Variants in TDRD5 observed in about 807,000 individuals in gnomAD.
TDRD5 encodes the protein tudor domain containing 5.
TDRD5 carries 41 observed loss-of-function variants against 120.6 expected under a neutral mutation model. The observed-to-expected ratio is 0.34, with a 90% CI of 0.26 to 0.44. The LOEUF (loss-of-function observed/expected upper bound fraction) is 0.44. TDRD5 is among the 20% of genes least tolerant of loss of function. The pLI is 1.00. For synonymous variants in TDRD5, 430 were observed against 433.7 expected, an observed-to-expected ratio of 0.99 and a Z score of 0.11; for missense variants, 1,006 against 1,221.2, an observed-to-expected ratio of 0.82 and a Z score of 2.63.
In TDRD5 at chr1:179,650,903, A is replaced by G. The variant is rs1678674989; in HGVS notation, c.1837A>G (p.Lys613Glu). The change falls in exon 12 of 18, where the codon AAG becomes GAG. Residue 613 changes from lysine (K) to glutamate (E), a missense_variant. Transcript: ENST00000444136. ...WTSKAILQFQ[K>E]LCGLKPLVGV... The stretch of plus-strand genomic sequence containing the variant: ...ATCGAAAGCTATTTTGCAGTTCCAG[A>G]AGTTGTGCGGTTTGAAGCCATTAGT... 6.2e-7 allele frequency: 1 copy of G among 1,614,108 alleles called. No individual in the cohort carries two copies. Among genetic ancestry groups the G allele is most frequent in the Admixed American group, 1.7e-5 (1 of 60,022 alleles).
At chr1:179,672,617 A>G (rs1387788703) in intron 17 of TDRD5, among the ~76,000 whole-genome samples, 1 of 152,054 alleles carries the variant, frequency 6.6e-6, no homozygotes, top group East Asian at 1.9e-4. Flanking sequence ...CCATTTATTT[A>G]TGTTTGTTTT....
At position 179,652,023 on chromosome 1, in the gene TDRD5, C is replaced by CG; in HGVS notation, c.2002-16_2002-15insG. ...TCATGTAAATTAAACCATCCCTTTT[C>CG]TTTTTTTAATCTTAGGGTTTCAGTG... is the stretch of plus-strand genomic sequence containing the variant. On this transcript the variant is annotated splice_polypyrimidine_tract_variant and intron_variant, in intron 12 of 17. Transcript: ENST00000444136. 1 of 1,607,652 alleles carries CG rather than the reference C, an allele frequency of 6.2e-7. No homozygotes were observed. Among genetic ancestry groups the CG allele is most frequent in the Non-Finnish European group, 8.5e-7 (1 of 1,178,514 alleles).
intron 16 of TDRD5, among the ~76,000 whole-genome samples, chr1:179,664,771 G>A (rs890695675): frequency 6.6e-6 from 1 of 152,058 alleles, no homozygotes; most frequent in Non-Finnish European, 1.5e-5. Context: ...TCAAGTACAA[G>A]GTTTTCTGTG....
chr1:179,662,821 CA>C (rs1288914205), intron 15 of TDRD5, among the ~76,000 whole-genome samples: 1 of 152,090 alleles, frequency 6.6e-6, no homozygotes, highest in Non-Finnish European at 1.5e-5. Flanking sequence ...CCCTTTTAAT[CA>C]TTGTGATTTT....
intron 13 of TDRD5, 81 bp from the exon 14 acceptor site, chr1:179,654,119 TC>T (rs1558409289): frequency 1.7e-6 from 2 of 1,210,856 alleles, no homozygotes; most frequent in Non-Finnish European, 2.2e-6. Context: ...AGCAAAAACT[TC>T]CCCCCAAAAT....
In TDRD5 at chr1:179,636,058, G is replaced by A. The variant is rs528121593; in HGVS notation, c.1520+171G>A. The stretch of plus-strand genomic sequence containing the variant: ...AAATTTTAATATTAAAATAATTCTC[G>A]TGTTAATATAAGTAACATTTTTATG... On this transcript the variant is annotated intron_variant, in intron 9 of 17. Transcript: ENST00000444136. 1.7e-3 allele frequency among the ~76,000 whole-genome samples: 252 copies of A among 152,066 alleles called. 2 individuals are homozygous for A. The highest frequency in any genetic ancestry group is 3.0e-3 in the Non-Finnish European group (207 of 67,978).
intron 14 of TDRD5, among the ~76,000 whole-genome samples, chr1:179,660,684 A>G (rs776001489): frequency 6.6e-5 from 10 of 152,138 alleles, no homozygotes; most frequent in Non-Finnish European, 1.5e-4. Flanking sequence ...ACACCTGCAT[A>G]TAATTTATGA....
chr1:179,606,234 A>G lies in TDRD5; in HGVS notation c.831+10416A>G, dbSNP rs11805051. 0.095 allele frequency among the ~76,000 whole-genome samples: 14,181 copies of G among 148,566 alleles called. 962 individuals are homozygous for G. The highest frequency in any genetic ancestry group is 0.13 in the African/African-American group (5,434 of 40,946). On this transcript the variant is annotated intron_variant, in intron 4 of 17. Coordinates refer to ENST00000444136, the MANE Select transcript of TDRD5 (RefSeq NM_001199085.3). ...CATATGCTTACTTGCCATCTGGTAT[A>G]TCTTCTTTAGTGAGAGGTCTGTTCA...
In TDRD5 at chr1:179,674,007, A is replaced by G. The variant is rs542607308; in HGVS notation, c.2860+4603A>G. Among the ~76,000 whole-genome samples the G allele has an allele frequency of 3.9e-5, 6 of 152,198 alleles. No individual in the cohort carries two copies. The South Asian group carries it at 1.0e-3, about 26-fold the overall frequency. ...CATATCAGCAAACAGTGACAGTTTG[A>G]CTTCCTCTTTACCGATTTGGGTGCC... On this transcript the variant is annotated intron_variant, in intron 17 of 17. Transcript: ENST00000444136.
intron 4 of TDRD5, among the ~76,000 whole-genome samples, chr1:179,600,691 T>C (rs928548616): frequency 6.6e-6 from 1 of 152,192 alleles, no homozygotes; most frequent in Admixed American, 6.5e-5. Flanking sequence ...TAATTTCCTC[T>C]TTGCTCTTAA....
chr1:179,659,039 A>G (rs193097478), intron 14 of TDRD5, among the ~76,000 whole-genome samples: 3 of 152,160 alleles, frequency 2.0e-5, no homozygotes, highest in Admixed American at 2.0e-4. Context: ...GTGTTGTTTA[A>G]TTTCCAAGTG....
At chr1:179,640,314 A>G in intron 10 of TDRD5, 65 bp from the exon 11 acceptor site, 2 of 1,566,558 alleles carry the variant, frequency 1.3e-6, no homozygotes, top group East Asian at 4.5e-5. Context: ...TTTTTGGGTC[A>G]TGCTAAGAGG....
At chr1:179,637,732 A>G (rs988663012) in intron 9 of TDRD5, among the ~76,000 whole-genome samples, 4 of 150,408 alleles carry the variant, frequency 2.7e-5, no homozygotes, top group African/African-American at 9.9e-5. Context: ...AAAAAAAAAT[A>G]CTGTAACTAC....
intron 6 of TDRD5, among the ~76,000 whole-genome samples, chr1:179,630,395 AT>A (rs1277191961): frequency 2.0e-5 from 3 of 152,226 alleles, no homozygotes; most frequent in Non-Finnish European, 2.9e-5. Flanking sequence ...TATTATCTTT[AT>A]TGGAAAATAG....
chr1:179,640,013 T>C lies in TDRD5; in HGVS notation c.1695T>C (p.Asn565=), dbSNP rs140033798. Residue 565 remains asparagine (N), a synonymous_variant, in exon 10 of 18, where the codon AAT becomes AAC. Transcript: ENST00000444136. ...EVEVFYPDFG[N]IGIVQKSSLR... ...AAGTGTTCTACCCAGACTTTGGAAA[T>C]ATTGGAATTGTTCAGAAGTCCTCCC... 1 of 1,614,008 alleles carries C rather than the reference T, an allele frequency of 6.2e-7. No individual in the cohort carries two copies. The highest frequency in any genetic ancestry group is 8.5e-7 in the Non-Finnish European group (1 of 1,180,006).
chr1:179,592,801 T>C lies in TDRD5; in HGVS notation c.186T>C (p.Asp62=), dbSNP rs781514384. Residue 62 remains aspartate (D), a synonymous_variant, in exon 2 of 18, where the codon GAT becomes GAC. Coordinates refer to ENST00000444136, the MANE Select transcript of TDRD5 (RefSeq NM_001199085.3). ...STMELVLDMP[D]VVRVCPGAGG... ...TGGAGCTGGTATTGGACATGCCTGA[T>C]GTTGTTCGTGTCTGCCCCGGTGCAG... The C allele has an allele frequency of 6.2e-7, 1 of 1,614,196 alleles. No homozygotes were observed. The highest frequency in any genetic ancestry group is 8.5e-7 in the Non-Finnish European group (1 of 1,180,038).
intron 12 of TDRD5, 77 bp from the exon 13 acceptor site, chr1:179,651,962 A>G: frequency 6.9e-7 from 1 of 1,449,168 alleles, no homozygotes; most frequent in Admixed American, 2.1e-5. Flanking sequence ...TAGCATTTGA[A>G]AGTTATTAAG....
chr1:179,667,132 T>C (rs1341129457), intron 16 of TDRD5, among the ~76,000 whole-genome samples: 1 of 152,244 alleles, frequency 6.6e-6, no homozygotes, highest in Non-Finnish European at 1.5e-5. Flanking sequence ...CTAATGCTGA[T>C]GCTGCTGATG....
At chr1:179,645,965 GAT>G (rs572178981) in intron 11 of TDRD5, among the ~76,000 whole-genome samples, 1 of 151,862 alleles carries the variant, frequency 6.6e-6, no homozygotes, top group Non-Finnish European at 1.5e-5. Context: ...TTTATATTTA[GAT>G]ATGTCTTTTA....
Sources: allele counts gnomAD v4.1 joint callset (sites outside exome capture counted in the v4.1 genomes callset), GRCh38; gene constraint gnomAD v4.1.1; transcripts MANE v1.5; gene names NCBI Gene and HGNC (gene_info 2026-07-23, HGNC 2026-07-21).